Variants in SCMH1 observed in about 807,000 individuals in gnomAD.
The protein encoded by SCMH1 is polycomb protein SCMH1.
SCMH1 carries 37 observed loss-of-function variants against 70.8 expected under a neutral mutation model. The observed-to-expected ratio is 0.52, with a 90% CI of 0.40 to 0.69. The LOEUF is 0.69. SCMH1 is among the 30% of genes least tolerant of loss of function. The pLI, the probability that SCMH1 is intolerant of heterozygous loss-of-function variation, is 0.00. For synonymous variants in SCMH1, 292 were observed against 307.4 expected, an observed-to-expected ratio of 0.95 and a Z score of 0.52; for missense variants, 607 against 827.3, an observed-to-expected ratio of 0.73 and a Z score of 3.27.
rs488018 is a variant in SCMH1, at chr1:41,113,355, C to G, written c.673G>C (p.Asp225His). ...CCCACAGGGAAGATGTCTCGGGAGTCGAAGCGGCACCAGTAGTCAAAGGCC... is the reference window on the plus strand; with the variant it reads ...CCCACAGGGAAGATGTCTCGGGAGTGGAAGCGGCACCAGTAGTCAAAGGCC... Residue 225 changes from aspartate (D) to histidine (H), a missense_variant, in exon 8 of 15, where the codon GAC becomes CAC. Around this residue, in one of 3 missense-constraint regions of SCMH1, gnomAD observed 105 missense variants for 214.5 expected, o/e 0.49. Transcript: ENST00000337495. This position sits in a 1 kb window ranked among gnomAD's most constrained non-coding sequence, Gnocchi z 4.3. The G allele has an allele frequency of 6.2e-7, 1 of 1,613,910 alleles. No individual in the cohort carries two copies. Among genetic ancestry groups the G allele is most frequent in the Non-Finnish European group, 8.5e-7 (1 of 1,179,964 alleles).
chr1:41,028,035 A>C, exon 15 of SCMH1: 1 of 810,782 alleles, frequency 1.2e-6, no homozygotes, highest in Non-Finnish European at 2.0e-6. Flanking sequence ...AGGACTTATC[A>C]TGGCAGCTGT....
intron 10 of SCMH1, among the ~76,000 whole-genome samples, chr1:41,067,086 G>A (rs924811914): frequency 2.0e-4 from 31 of 152,230 alleles, no homozygotes; most frequent in African/African-American, 7.2e-4. Context: ...ATTCCCATAA[G>A]TAGGTGAGTG....
intron 10 of SCMH1, among the ~76,000 whole-genome samples, chr1:41,052,917 C>CT (rs113009874): frequency 0.22 from 29,035 of 134,662 alleles, 3,778 homozygotes; most frequent in East Asian, 0.39. Flanking sequence ...AAATTGTAGG[C>CT]TTTTTTTTTT....
chr1:41,216,283 A>G (rs1381545306), intron 1 of SCMH1, among the ~76,000 whole-genome samples: 3 of 152,258 alleles, frequency 2.0e-5, no homozygotes, highest in Non-Finnish European at 2.9e-5. Context: ...GAAAATCCAA[A>G]TAAGTATAAC....
intron 6 of SCMH1, among the ~76,000 whole-genome samples, chr1:41,126,695 A>G (rs1315514546): frequency 1.3e-5 from 2 of 152,304 alleles, no homozygotes; most frequent in South Asian, 2.1e-4. Context: ...CATTAATGAT[A>G]TATCTTAGAA....
chr1:41,027,489 C>G (rs1478874431), exon 15 of SCMH1: 1 of 152,236 alleles, frequency 6.6e-6, no homozygotes, highest in African/African-American at 2.4e-5. Context: ...CAAAAGGGCC[C>G]CGTGAAGAGA....
intron 8 of SCMH1, among the ~76,000 whole-genome samples, chr1:41,079,677 C>T (rs758358405): frequency 7.2e-5 from 11 of 152,096 alleles, no homozygotes; most frequent in Non-Finnish European, 1.3e-4. Flanking sequence ...GCCTGGGCAA[C>T]ACTGTGAGAC....
intron 1 of SCMH1, among the ~76,000 whole-genome samples, chr1:41,216,269 T>C (rs1320057329): frequency 2.0e-5 from 3 of 152,196 alleles, no homozygotes; most frequent in African/African-American, 7.2e-5. Context: ...TGATCGGCAC[T>C]AAAGAAAATC....
At chr1:41,031,508 T>G (rs2148507710) in intron 13 of SCMH1, among the ~76,000 whole-genome samples, 1 of 152,320 alleles carries the variant, frequency 6.6e-6, no homozygotes, top group East Asian at 1.9e-4. Context: ...TCTAGCATAT[T>G]GTCTTTTCAA....
intron 10 of SCMH1, among the ~76,000 whole-genome samples, chr1:41,056,028 C>T (rs1362113303): frequency 6.6e-6 from 1 of 152,102 alleles, no homozygotes; most frequent in East Asian, 1.9e-4. Flanking sequence ...ATTATTTGAC[C>T]CTCTTCCTAT....
At chr1:41,217,298 A>G (rs754961451) in intron 1 of SCMH1, among the ~76,000 whole-genome samples, 3 of 152,218 alleles carry the variant, frequency 2.0e-5, no homozygotes, top group African/African-American at 2.4e-5. Flanking sequence ...AAACTTGGAC[A>G]TTTAGCTGAG....
intron 8 of SCMH1, among the ~76,000 whole-genome samples, chr1:41,100,565 T>TTTC (rs1666319132): frequency 7.9e-6 from 1 of 125,794 alleles, no homozygotes; most frequent in East Asian, 2.5e-4. Context: ...TCTTTTCTTT[T>TTTC]TCTTTTTTTT....
At chr1:41,053,344 C>T (rs1426892326) in intron 10 of SCMH1, among the ~76,000 whole-genome samples, 3 of 152,102 alleles carry the variant, frequency 2.0e-5, no homozygotes, top group Non-Finnish European at 4.4e-5. Context: ...AGCCTTTAGA[C>T]TATGCAGAAA....
intron 1 of SCMH1, among the ~76,000 whole-genome samples, chr1:41,210,486 C>T (rs892473662): frequency 6.6e-6 from 1 of 152,206 alleles, no homozygotes; most frequent in Non-Finnish European, 1.5e-5. Flanking sequence ...ACCAAAACAG[C>T]ATGGTACTGG....
At chr1:41,233,078 C>G (rs1457592948) in intron 1 of SCMH1, among the ~76,000 whole-genome samples, 1 of 152,146 alleles carries the variant, frequency 6.6e-6, no homozygotes, top group Non-Finnish European at 1.5e-5. Context: ...CTAATAGTTA[C>G]AGAACTTGAG....
chr1:41,137,191 G>T (rs1018453644), intron 6 of SCMH1, among the ~76,000 whole-genome samples: 21 of 151,358 alleles, frequency 1.4e-4, no homozygotes, highest in African/African-American at 5.1e-4. Context: ...CTAGCTCTTT[G>T]AGTTGGGAAT....
At chr1:41,227,797 T>A (rs1487315798) in intron 1 of SCMH1, among the ~76,000 whole-genome samples, 2 of 152,048 alleles carry the variant, frequency 1.3e-5, no homozygotes. Context: ...GCCAACATAG[T>A]GAAACCCCGT....
At chr1:41,210,250 G>A (rs1476701074) in intron 1 of SCMH1, among the ~76,000 whole-genome samples, 1 of 146,708 alleles carries the variant, frequency 6.8e-6, no homozygotes, top group Non-Finnish European at 1.5e-5. Flanking sequence ...TCATGGATAG[G>A]AAGAATCAAT....
chr1:41,204,517 C>T (rs1277292930), intron 1 of SCMH1, among the ~76,000 whole-genome samples: 2 of 152,178 alleles, frequency 1.3e-5, no homozygotes, highest in African/African-American at 4.8e-5. Flanking sequence ...TGCTTTGCTC[C>T]AGCTATACTG....
Sources: gnomAD v4.1 joint callset for allele counts (sites outside exome capture counted in the v4.1 genomes callset) on GRCh38, gnomAD v4.1.1 for gene constraint, gnomAD v4.1.1 regional missense constraint, Gnocchi (gnomAD v3.1) non-coding constraint, MANE v1.5 for transcripts, NCBI Gene and HGNC (gene_info 2026-07-23, HGNC 2026-07-21) for gene names.